GALNTL6: variants seen among roughly 807,000 people sequenced by gnomAD.
GALNTL6 encodes polypeptide N-acetylgalactosaminyltransferase-like 6.
GALNTL6 carries 46 observed loss-of-function variants against 73.7 expected under a neutral mutation model. The observed-to-expected ratio is 0.62, with a 90% CI of 0.49 to 0.80. The LOEUF is 0.80. GALNTL6 is among the 30% of genes least tolerant of loss of function. The pLI, the probability that GALNTL6 is intolerant of heterozygous loss-of-function variation, is 0.00. For synonymous variants in GALNTL6, 259 were observed against 263.7 expected (o/e 0.98, Z 0.17); for missense variants, 604 against 755.0 (o/e 0.80, Z 2.34).
At chr4:171,900,684 G>A (rs1241327824) in intron 2 of GALNTL6, among the ~76,000 whole-genome samples, 1 of 151,984 alleles carries the variant, frequency 6.6e-6, no homozygotes. Context: ...GGACTTATAT[G>A]TGAAAATAAT....
At chr4:172,697,836 A>G (rs374575504) in intron 5 of GALNTL6, among the ~76,000 whole-genome samples, 4 of 152,266 alleles carry the variant, frequency 2.6e-5, no homozygotes, top group African/African-American at 9.6e-5. Context: ...TGGGTAACAA[A>G]CAAGACTAAT....
chr4:172,475,792 A>C, intron 5 of GALNTL6, among the ~76,000 whole-genome samples: 1 of 152,238 alleles, frequency 6.6e-6, no homozygotes, highest in Non-Finnish European at 1.5e-5. Flanking sequence ...AAATCTCCAG[A>C]TAACGAAATC....
chr4:172,500,430 CA>C (rs1284882510), intron 5 of GALNTL6, among the ~76,000 whole-genome samples: 1 of 152,004 alleles, frequency 6.6e-6, no homozygotes, highest in African/African-American at 2.4e-5. Context: ...CAGAGCAAAA[CA>C]AAACCTCTGA....
At chr4:172,083,223 G>T (rs978627468) in intron 2 of GALNTL6, among the ~76,000 whole-genome samples, 8 of 152,102 alleles carry the variant, frequency 5.3e-5, no homozygotes, top group African/African-American at 1.7e-4. Context: ...TATCTGAATT[G>T]TAATTGTAAA....
chr4:172,180,929 G>A (rs1173015395), intron 2 of GALNTL6, among the ~76,000 whole-genome samples: 7 of 152,034 alleles, frequency 4.6e-5, no homozygotes, highest in African/African-American at 7.2e-5. Context: ...CTGGCTATAC[G>A]GGCTGTTCTT....
chr4:172,735,837 A>C (rs1320566725), intron 5 of GALNTL6, among the ~76,000 whole-genome samples: 1 of 152,198 alleles, frequency 6.6e-6, no homozygotes, highest in Non-Finnish European at 1.5e-5. Context: ...TGAGAAATAA[A>C]GAGAAACAGT....
intron 5 of GALNTL6, among the ~76,000 whole-genome samples, chr4:172,760,392 G>A (rs1483516554): frequency 6.6e-6 from 1 of 152,108 alleles, no homozygotes; most frequent in Non-Finnish European, 1.5e-5. Flanking sequence ...TGGGTTGGAG[G>A]TTTAGTTAAT....
chr4:172,702,927 T>G (rs577562378), intron 5 of GALNTL6, among the ~76,000 whole-genome samples: 1 of 151,984 alleles, frequency 6.6e-6, no homozygotes, highest in Non-Finnish European at 1.5e-5. Flanking sequence ...TGGTTAAGCA[T>G]TTTGCTAAGT....
At chr4:172,315,846 T>C (rs1740525771) in intron 4 of GALNTL6, among the ~76,000 whole-genome samples, 1 of 152,182 alleles carries the variant, frequency 6.6e-6, no homozygotes, top group African/African-American at 2.4e-5. Context: ...TCTTTGTATT[T>C]AGTCATCTAC....
chr4:172,572,141 T>C (rs1245719228), intron 5 of GALNTL6, among the ~76,000 whole-genome samples: 1 of 152,162 alleles, frequency 6.6e-6, no homozygotes, highest in Non-Finnish European at 1.5e-5. Flanking sequence ...CTCTGCACAC[T>C]CATCTCACTG....
At chr4:171,961,757 C>T (rs141690123) in intron 2 of GALNTL6, among the ~76,000 whole-genome samples, 1 of 152,132 alleles carries the variant, frequency 6.6e-6, no homozygotes, top group Non-Finnish European at 1.5e-5. Context: ...TCAGAAGAAA[C>T]AAGGGGGATG....
Position 172,813,527 on chromosome 4 carries a change from T to C in GALNTL6, c.740-13T>C. The C allele has an allele frequency of 6.3e-7, 1 of 1,584,588 alleles. No homozygotes were observed. Among genetic ancestry groups the C allele is most frequent in the Non-Finnish European group, 8.6e-7 (1 of 1,157,316 alleles). ...AGGCATGTCATTTCCTATTTTGTGC[T>C]TTCATTTTTCAGACCAAATTGCACT... On this transcript the variant is annotated splice_polypyrimidine_tract_variant and intron_variant, in intron 6 of 12. Transcript: ENST00000506823.
intron 5 of GALNTL6, among the ~76,000 whole-genome samples, chr4:172,540,027 G>T (rs1579168673): frequency 6.7e-6 from 1 of 148,494 alleles, no homozygotes. Context: ...CATACAGCTA[G>T]CAGTGACAGA....
intron 2 of GALNTL6, among the ~76,000 whole-genome samples, chr4:172,136,554 A>G (rs1221060734): frequency 6.6e-6 from 1 of 152,064 alleles, no homozygotes; most frequent in African/African-American, 2.4e-5. Flanking sequence ...TAAAGATCAG[A>G]AAATGTTTAA....
intron 5 of GALNTL6, among the ~76,000 whole-genome samples, chr4:172,371,269 G>T (rs147052730): frequency 6.2e-4 from 95 of 152,254 alleles, no homozygotes; most frequent in African/African-American, 2.1e-3. Context: ...ATGTCTGGTC[G>T]GAACTTCCTA....
At chr4:172,065,601 A>G (rs1447199901) in intron 2 of GALNTL6, among the ~76,000 whole-genome samples, 1 of 152,084 alleles carries the variant, frequency 6.6e-6, no homozygotes, top group East Asian at 1.9e-4. Context: ...TTTTAGGTTC[A>G]CAGCAAAATT....
At chr4:171,954,198 C>A (rs1346849478) in intron 2 of GALNTL6, among the ~76,000 whole-genome samples, 2 of 152,080 alleles carry the variant, frequency 1.3e-5, no homozygotes, top group Non-Finnish European at 2.9e-5. Context: ...TTTAAAAATT[C>A]TATTCATAAC....
intron 5 of GALNTL6, among the ~76,000 whole-genome samples, chr4:172,775,861 A>G (rs536527733): frequency 6.6e-6 from 1 of 152,336 alleles, no homozygotes; most frequent in South Asian, 2.1e-4. Context: ...GCAGAAGCCC[A>G]TATGGCAAGG....
At chr4:172,531,571 G>A (rs1368580834) in intron 5 of GALNTL6, among the ~76,000 whole-genome samples, 1 of 152,118 alleles carries the variant, frequency 6.6e-6, no homozygotes, top group African/African-American at 2.4e-5. Flanking sequence ...CACTACACAT[G>A]GACAACCCTC....
Sources: gnomAD v4.1 joint callset for allele counts (sites outside exome capture counted in the v4.1 genomes callset) on GRCh38, gnomAD v4.1.1 for gene constraint, MANE v1.5 for transcripts, NCBI Gene and HGNC (gene_info 2026-07-23, HGNC 2026-07-21) for gene names.